Variants in EIF2AK3 observed in about 807,000 individuals in gnomAD.
The protein encoded by EIF2AK3 is eukaryotic translation initiation factor 2-alpha kinase 3.
A neutral mutation model predicts 113.5 loss-of-function variants in EIF2AK3; 50 were observed. The ratio of observed to expected loss-of-function variants is 0.44; its 90% CI spans 0.35 to 0.56. The LOEUF (loss-of-function observed/expected upper bound fraction) is 0.56. EIF2AK3 is among the 20% of genes least tolerant of loss of function. EIF2AK3 has a pLI of 0.00. For missense variants in EIF2AK3, 1,185 were observed against 1,378.0 expected, an observed-to-expected ratio of 0.86 and a Z score of 2.22; for synonymous variants, 448 against 495.4, an observed-to-expected ratio of 0.90 and a Z score of 1.27.
intron 2 of EIF2AK3, among the ~76,000 whole-genome samples, chr2:88,605,934 C>T (rs773905885): frequency 2.4e-4 from 37 of 152,138 alleles, no homozygotes; most frequent in Non-Finnish European, 2.1e-4. Flanking sequence ...TGATGATGCC[C>T]TAACGGGAGG....
At position 88,590,834 on chromosome 2, in the gene EIF2AK3, A is replaced by AGAT; in HGVS notation, c.983_985dup (p.His328dup). On this transcript the variant is annotated inframe_insertion, in exon 5 of 17. Coordinates refer to ENST00000303236, the MANE Select transcript of EIF2AK3 (RefSeq NM_004836.7). ...GTTAGGTACCTGGTACTCCCATTCC[A>AGAT]GATGTCCTCCCTTCTTACTGAATGC... 1.9e-6 allele frequency: 3 copies of AGAT among 1,614,096 alleles called. No individual in the cohort carries two copies. Among genetic ancestry groups the AGAT allele is most frequent in the Non-Finnish European group, 2.5e-6 (3 of 1,179,974 alleles).
At chr2:88,619,332 T>C (rs569185676) in intron 1 of EIF2AK3, among the ~76,000 whole-genome samples, 23 of 152,254 alleles carry the variant, frequency 1.5e-4, no homozygotes, top group African/African-American at 5.5e-4. Context: ...AGAGCAGGCA[T>C]TTTCCTGTTT....
chr2:88,580,392 T>C (rs1271043009), intron 10 of EIF2AK3, among the ~76,000 whole-genome samples: 2 of 152,244 alleles, frequency 1.3e-5, no homozygotes, highest in African/African-American at 2.4e-5. Flanking sequence ...TCTTCTTTCA[T>C]TCTGCTCATC....
chr2:88,598,473 C>T (rs979192540), intron 2 of EIF2AK3, among the ~76,000 whole-genome samples: 7 of 152,074 alleles, frequency 4.6e-5, no homozygotes, highest in African/African-American at 9.7e-5. Context: ...GACTGCATCA[C>T]CTATGTAGTA....
At chr2:88,598,802 T>G (rs1675078723) in intron 2 of EIF2AK3, among the ~76,000 whole-genome samples, 1 of 152,190 alleles carries the variant, frequency 6.6e-6, no homozygotes, top group Non-Finnish European at 1.5e-5. Flanking sequence ...TTATAACTTT[T>G]GTAGTTATGT....
intron 1 of EIF2AK3, among the ~76,000 whole-genome samples, chr2:88,614,084 T>G (rs372796796): frequency 1.3e-5 from 2 of 152,090 alleles, no homozygotes; most frequent in African/African-American, 4.8e-5. Context: ...CACCCTTCAT[T>G]CCACACTCTA....
At chr2:88,623,885 C>T (rs1573429375) in intron 1 of EIF2AK3, among the ~76,000 whole-genome samples, 1 of 152,152 alleles carries the variant, frequency 6.6e-6, no homozygotes, top group African/African-American at 2.4e-5. Flanking sequence ...CTCTTCAAGC[C>T]AAAATTCCTG....
chr2:88,578,864 T>A (rs936320422), intron 11 of EIF2AK3, among the ~76,000 whole-genome samples: 2 of 152,186 alleles, frequency 1.3e-5, no homozygotes, highest in African/African-American at 4.8e-5. Flanking sequence ...AGGTTTTTTT[T>A]ATGGTAAAGT....
At chr2:88,558,788 C>A in intron 16 of EIF2AK3, 129 bp downstream of exon 16, 1 of 701,142 alleles carries the variant, frequency 1.4e-6, no homozygotes, top group Non-Finnish European at 2.4e-6. Flanking sequence ...CTCTTGGGAG[C>A]AGGTCTCTTT....
intron 2 of EIF2AK3, among the ~76,000 whole-genome samples, chr2:88,609,068 T>A (rs990622792): frequency 6.6e-6 from 1 of 151,778 alleles, no homozygotes; most frequent in Non-Finnish European, 1.5e-5. Flanking sequence ...GTCCAACTTT[T>A]TTTTTTTCTA....
In EIF2AK3 at chr2:88,557,795, A is replaced by G; in HGVS notation, c.3292T>C (p.Ser1098Pro). 6.2e-7 allele frequency: 1 copy of G among 1,614,162 alleles called. No individual in the cohort carries two copies. The highest frequency in any genetic ancestry group is 8.5e-7 in the Non-Finnish European group (1 of 1,180,006). ...LRQRSRSLSS[S>P]GTKHSRQSNN... ...GACTGTCTTGAATGTTTTGTTCCCG[A>G]TGAACTCAAGGAGCGAGACCTCTGT... The change falls in exon 17 of 17, where the codon TCG (serine) becomes CCG (proline). Residue 1098 changes from serine to proline, a missense_variant. By Grantham distance (74) the Ser-to-Pro change is moderately conservative (BLOSUM62 -1). Around this residue, in one of 3 missense-constraint regions of EIF2AK3, gnomAD observed 877 missense variants for 1,024.2 expected, o/e 0.86. Transcript: ENST00000303236.
chr2:88,595,186 A>G (rs527383601), intron 3 of EIF2AK3, among the ~76,000 whole-genome samples: 42 of 145,118 alleles, frequency 2.9e-4, no homozygotes, highest in Non-Finnish European at 3.9e-4. Flanking sequence ...CAGCCTGGGC[A>G]ACAGAGTGAG....
chr2:88,559,037 T>A, intron 15 of EIF2AK3, 58 bp from the exon 16 acceptor site: 1 of 1,204,276 alleles, frequency 8.3e-7, no homozygotes, highest in Admixed American at 1.8e-5. Flanking sequence ...CATGAAAATA[T>A]TTTTTGATAC....
chr2:88,560,795 G>T (rs74739915), intron 15 of EIF2AK3, among the ~76,000 whole-genome samples: 5,970 of 148,698 alleles, frequency 0.04, 371 homozygotes, highest in African/African-American at 0.14. Context: ...AGGTCCTTTC[G>T]GTTAGAAGAT....
At chr2:88,595,699 CATTA>C (rs1558657105) in intron 2 of EIF2AK3, 36 bp from the exon 3 acceptor site, 2 of 1,564,944 alleles carry the variant, frequency 1.3e-6, no homozygotes, top group South Asian at 2.2e-5. Flanking sequence ...AGGGCCATAA[CATTA>C]ATTATTATTT....
chr2:88,612,011 G>A (rs1031477673), intron 2 of EIF2AK3, among the ~76,000 whole-genome samples: 27 of 152,240 alleles, frequency 1.8e-4, no homozygotes, highest in African/African-American at 6.5e-4. Flanking sequence ...GAAAACAAGG[G>A]AGCCCTAATA....
At chr2:88,566,706 G>C (rs1467870577) in intron 14 of EIF2AK3, among the ~76,000 whole-genome samples, 1 of 152,128 alleles carries the variant, frequency 6.6e-6, no homozygotes. Flanking sequence ...CTAGCACTTT[G>C]GGAGGCCAAG....
intron 4 of EIF2AK3, among the ~76,000 whole-genome samples, chr2:88,592,318 G>T (rs1371609492): frequency 1.3e-5 from 2 of 152,150 alleles, no homozygotes; most frequent in Admixed American, 6.5e-5. Context: ...TGAATAAGAT[G>T]ATTATTATTT....
intron 14 of EIF2AK3, among the ~76,000 whole-genome samples, chr2:88,563,158 C>G (rs374993734): frequency 6.6e-6 from 1 of 152,174 alleles, no homozygotes; most frequent in East Asian, 1.9e-4. Context: ...ATTTGAGAAA[C>G]TGCCAAAGAA....
Sources: gnomAD v4.1 joint callset for allele counts (sites outside exome capture counted in the v4.1 genomes callset) on GRCh38, gnomAD v4.1.1 for gene constraint, gnomAD v4.1.1 regional missense constraint, MANE v1.5 for transcripts, NCBI Gene and HGNC (gene_info 2026-07-23, HGNC 2026-07-21) for gene names.